Variants in KCNMB4 observed in about 807,000 individuals in gnomAD.
KCNMB4 encodes the protein calcium-activated potassium channel subunit beta-4.
A neutral mutation model predicts 20.7 loss-of-function variants in KCNMB4; 3 were observed. The ratio of observed to expected loss-of-function variants is 0.14; its 90% confidence interval spans 0.07 to 0.37. KCNMB4 has a LOEUF of 0.37. Ranked by LOEUF, KCNMB4 falls within the 10% of genes least tolerant of loss-of-function variation. KCNMB4 has a pLI of 1.00. For missense variants in KCNMB4, 168 were observed against 265.9 expected, an observed-to-expected ratio of 0.63 and a Z score of 2.56; for synonymous variants, 110 against 113.4, an observed-to-expected ratio of 0.97 and a Z score of 0.19.
At chr12:70,421,289 G>A (rs77642627) in intron 2 of KCNMB4, among the ~76,000 whole-genome samples, 14,667 of 151,012 alleles carry the variant, frequency 0.097, 860 homozygotes, top group Admixed American at 0.19. Context: ...TCCAGAGTTC[G>A]AGACTGGCCT....
chr12:70,415,177 A>G (rs1028102060), intron 2 of KCNMB4, among the ~76,000 whole-genome samples: 3 of 152,218 alleles, frequency 2.0e-5, no homozygotes, highest in Non-Finnish European at 4.4e-5. Flanking sequence ...CTCATTTTAT[A>G]CATGAGGGAA....
chr12:70,420,977 T>C (rs1437595821), intron 2 of KCNMB4, among the ~76,000 whole-genome samples: 1 of 148,240 alleles, frequency 6.7e-6, no homozygotes, highest in East Asian at 2.0e-4. Context: ...GGTGTGAACC[T>C]GGGAGGGGAG....
intron 1 of KCNMB4, among the ~76,000 whole-genome samples, chr12:70,383,943 C>T (rs1883840608): frequency 6.6e-6 from 1 of 152,114 alleles, no homozygotes; most frequent in Admixed American, 6.5e-5. Context: ...ATGATGTGCA[C>T]CTATAACCCC....
chr12:70,430,319 T>A (rs1869329459), intron 2 of KCNMB4, among the ~76,000 whole-genome samples, 166 bp from the exon 3 acceptor site: 1 of 152,234 alleles, frequency 6.6e-6, no homozygotes, highest in South Asian at 2.1e-4. Flanking sequence ...AGCTCAAAAC[T>A]TTCTGTAATG....
intron 2 of KCNMB4, 22 bp from the exon 3 acceptor site, chr12:70,430,463 C>T (rs1353134635): frequency 6.2e-7 from 1 of 1,611,526 alleles, no homozygotes; most frequent in Non-Finnish European, 8.5e-7. Context: ...CCCTTTCTTT[C>T]TTATTCTCCA....
At chr12:70,417,077 G>C (rs755188119) in intron 2 of KCNMB4, among the ~76,000 whole-genome samples, 1 of 152,128 alleles carries the variant, frequency 6.6e-6, no homozygotes, top group African/African-American at 2.4e-5. Context: ...TACTGATGCT[G>C]GAGCTATAGA....
intron 1 of KCNMB4, among the ~76,000 whole-genome samples, chr12:70,380,662 A>C (rs1883769347): frequency 1.3e-5 from 2 of 152,128 alleles, no homozygotes; most frequent in South Asian, 2.1e-4. Flanking sequence ...AAAAAAAAAA[A>C]AACCTATACA....
chr12:70,378,748 G>T (rs769140108), intron 1 of KCNMB4, among the ~76,000 whole-genome samples: 2 of 152,062 alleles, frequency 1.3e-5, no homozygotes, highest in Non-Finnish European at 2.9e-5. Flanking sequence ...TGTTGATCAG[G>T]CTGGTCTTGA....
At chr12:70,410,488 G>T (rs765616706) in intron 2 of KCNMB4, among the ~76,000 whole-genome samples, 10 of 152,104 alleles carry the variant, frequency 6.6e-5, no homozygotes, top group Non-Finnish European at 1.3e-4. Context: ...ATCAAGCATC[G>T]GGATTTACAT....
intron 2 of KCNMB4, chr12:70,422,676 A>G: frequency 7.8e-7 from 1 of 1,286,794 alleles, no homozygotes; most frequent in Non-Finnish European, 1.0e-6. Context: ...TAAAAAAGAC[A>G]GAAAGTCATA....
chr12:70,385,493 G>A (rs926219847), intron 1 of KCNMB4, among the ~76,000 whole-genome samples: 46 of 152,148 alleles, frequency 3.0e-4, no homozygotes, highest in African/African-American at 1.0e-3. Context: ...TTGCATAAGA[G>A]TTGGATAGAA....
chr12:70,393,181 G>T (rs1868315201), intron 1 of KCNMB4, among the ~76,000 whole-genome samples: 1 of 151,852 alleles, frequency 6.6e-6, no homozygotes, highest in Admixed American at 6.6e-5. Flanking sequence ...GGCAAAGACT[G>T]TGTGTTTTTA....
chr12:70,367,347 G>T (rs1184358933), intron 1 of KCNMB4, among the ~76,000 whole-genome samples: 4 of 152,114 alleles, frequency 2.6e-5, no homozygotes, highest in Non-Finnish European at 5.9e-5. Flanking sequence ...ACCCAGTCCG[G>T]GTCCTGCGCC....
At chr12:70,381,467 G>A (rs1467772618) in intron 1 of KCNMB4, among the ~76,000 whole-genome samples, 1 of 152,010 alleles carries the variant, frequency 6.6e-6, no homozygotes, top group Non-Finnish European at 1.5e-5. Context: ...GCTAAAAGGT[G>A]GAAACAAACC....
chr12:70,394,606 T>C (rs1445513608), intron 1 of KCNMB4, among the ~76,000 whole-genome samples: 1 of 152,064 alleles, frequency 6.6e-6, no homozygotes, highest in African/African-American at 2.4e-5. Flanking sequence ...TGTGTGTATG[T>C]GTGTGTGTGT....
In KCNMB4 at chr12:70,434,244, A is replaced by C. The variant is rs537362179; in HGVS notation, c.*3591A>C. On this transcript the variant is annotated 3_prime_UTR_variant, in exon 3 of 3. Coordinates refer to ENST00000258111, the MANE Select transcript of KCNMB4 (RefSeq NM_014505.6). ...CTCGACCCTCCTGGGAGCCTGCCCTATCTCCCTGGAAAGTCTCAGTATGTG... is the reference window on the plus strand; with the variant it reads ...CTCGACCCTCCTGGGAGCCTGCCCTCTCTCCCTGGAAAGTCTCAGTATGTG... 1 of 152,256 alleles carries C rather than the reference A, an allele frequency of 6.6e-6. No homozygotes were observed. Among genetic ancestry groups the C allele is most frequent in the South Asian group, 2.1e-4 (1 of 4,826 alleles). The allele number at this position is 152,256 out of a possible 1,614,324, so 9.4% of individuals were successfully genotyped here.
chr12:70,430,855 T>C lies in KCNMB4; in HGVS notation c.*202T>C, dbSNP rs1869346650. 1 of 511,750 alleles carries C rather than the reference T, an allele frequency of 2.0e-6. No homozygotes were observed. Among genetic ancestry groups the C allele is most frequent in the South Asian group, 3.1e-5 (1 of 32,716 alleles). 31.7% of individuals were successfully genotyped at this position (511,750 alleles called of 1,614,324 possible). On this transcript the variant is annotated 3_prime_UTR_variant, in exon 3 of 3. Coordinates refer to ENST00000258111, the MANE Select transcript of KCNMB4 (RefSeq NM_014505.6). ...GCTTGTATTCCATCTGCTGTAGCAA[T>C]GGCTAAAGGGTCAAGATCTTAGCTG...
intron 2 of KCNMB4, among the ~76,000 whole-genome samples, chr12:70,424,204 C>T (rs1481210925): frequency 6.6e-6 from 1 of 152,166 alleles, no homozygotes; most frequent in Admixed American, 6.5e-5. Context: ...AAGGGATTTA[C>T]AGTAGCCTCA....
chr12:70,367,117 G>C, intron 1 of KCNMB4, 47 bp downstream of exon 1: 1 of 1,447,782 alleles, frequency 6.9e-7, no homozygotes, highest in Non-Finnish European at 9.2e-7. Flanking sequence ...GGGAGGTTTG[G>C]AGGCAGCGTC....
Sources: allele counts gnomAD v4.1 joint callset (sites outside exome capture counted in the v4.1 genomes callset), GRCh38; gene constraint gnomAD v4.1.1; transcripts MANE v1.5; gene names NCBI Gene and HGNC (gene_info 2026-07-23, HGNC 2026-07-21).